CEP128: variants seen among roughly 807,000 people sequenced by gnomAD.
CEP128 encodes the protein centrosomal protein 128.
In CEP128, 132 loss-of-function variants were observed where a neutral mutation model predicts 156.7. That is an observed-to-expected ratio of 0.84 (90% CI 0.73 to 0.97). CEP128 has a LOEUF of 0.97. Among genes scored for constraint, CEP128 ranks in the 50% least tolerant of loss-of-function variants. The probability of loss-of-function intolerance (pLI) is 0.00; values close to 1 mark genes in which losing one functional copy is unlikely to be tolerated. For synonymous variants in CEP128, 469 were observed against 448.9 expected (o/e 1.04, Z -0.57); for missense variants, 1,252 against 1,281.9 (o/e 0.98, Z 0.36).
chr14:80,509,953 G>A (rs1209239204), intron 23 of CEP128, among the ~76,000 whole-genome samples: 1 of 151,864 alleles, frequency 6.6e-6, no homozygotes, highest in Non-Finnish European at 1.5e-5. Flanking sequence ...ATTTTTTTCT[G>A]GGCTCTCTAT....
At chr14:80,746,236 A>G (rs1314956071) in intron 18 of CEP128, among the ~76,000 whole-genome samples, 1 of 152,200 alleles carries the variant, frequency 6.6e-6, no homozygotes, top group Non-Finnish European at 1.5e-5. Context: ...AGTTGATCCT[A>G]TGTTTCATAT....
downstream of CEP128, among the ~76,000 whole-genome samples, chr14:80,489,003 A>G (rs1594902265): frequency 3.1e-5 from 4 of 127,232 alleles, no homozygotes; most frequent in Non-Finnish European, 5.0e-5. Flanking sequence ...GGGAGGGGGG[A>G]GGGAAAGCAT....
At chr14:80,631,481 A>T (rs1249662266) in intron 19 of CEP128, among the ~76,000 whole-genome samples, 1 of 152,050 alleles carries the variant, frequency 6.6e-6, no homozygotes, top group Non-Finnish European at 1.5e-5. Context: ...GGCTATGAAG[A>T]GTCTTACATA....
chr14:80,595,322 G>T (rs1438410086), intron 19 of CEP128, among the ~76,000 whole-genome samples: 1 of 152,144 alleles, frequency 6.6e-6, no homozygotes, highest in Non-Finnish European at 1.5e-5. Context: ...GGCCTGTCAG[G>T]GGGTGGGAGG....
chr14:80,597,344 T>C (rs1566802040), intron 19 of CEP128, among the ~76,000 whole-genome samples: 1 of 152,116 alleles, frequency 6.6e-6, no homozygotes, highest in South Asian at 2.1e-4. Flanking sequence ...TTAGAAGATA[T>C]GGAACACAAA....
At position 80,743,089 on chromosome 14, in the gene CEP128, T is replaced by C. The variant is rs989221089; in HGVS notation, c.2792A>G (p.His931Arg). Residue 931 changes from histidine to arginine, a missense_variant, in exon 19 of 25, where the codon CAT (histidine) becomes CGT (arginine). Coordinates refer to ENST00000555265, the MANE Select transcript of CEP128 (RefSeq NM_152446.5). ...ERQEQLLDEI[H>R]REKRDLLEET... The stretch of plus-strand genomic sequence containing the variant: ...CTAACACACACCTCTCTTCTCACGA[T>C]GTATTTCATCCAGAAGCTGCTCCTG... 6.2e-7 allele frequency: 1 copy of C among 1,613,356 alleles called. No individual in the cohort carries two copies.
At chr14:80,828,967 A>G (rs143586220) in intron 13 of CEP128, among the ~76,000 whole-genome samples, 1 of 152,198 alleles carries the variant, frequency 6.6e-6, no homozygotes, top group Non-Finnish European at 1.5e-5. Flanking sequence ...TAAAGCAGAG[A>G]CTAAATTTCA....
chr14:80,562,655 C>CTTTTTTTTTTT (rs1170778718), intron 20 of CEP128, among the ~76,000 whole-genome samples: 59 of 114,334 alleles, frequency 5.2e-4, no homozygotes, highest in Non-Finnish European at 7.8e-4. Flanking sequence ...CTTTTCTTTT[C>CTTTTTTTTTTT]TTTTTTTTTT....
Position 80,705,362 on chromosome 14 carries a change from T to C in CEP128, c.2806+37713A>G, listed in dbSNP as rs551613836. Among the ~76,000 whole-genome samples the C allele has an allele frequency of 5.9e-5, 9 of 152,196 alleles. No individual in the cohort carries two copies. In the East Asian group the frequency reaches 1.5e-3, roughly 26 times the overall value. Reference sequence around the variant, plus strand: ...GTCATGCAAACTTTTCCAGTCTAAATAGTGACTAAAATGATTCCTATGTAT... The same window carrying C: ...GTCATGCAAACTTTTCCAGTCTAAACAGTGACTAAAATGATTCCTATGTAT... On this transcript the variant is annotated intron_variant, in intron 19 of 24. Transcript: ENST00000555265.
At chr14:80,610,162 C>CT (rs1315226884) in intron 19 of CEP128, among the ~76,000 whole-genome samples, 3 of 152,074 alleles carry the variant, frequency 2.0e-5, no homozygotes, top group Non-Finnish European at 4.4e-5. Flanking sequence ...TACTTTATCT[C>CT]TTTTTTTCCA....
intron 21 of CEP128, among the ~76,000 whole-genome samples, chr14:80,549,038 AAGCTTAACCCT>A (rs1890103143): frequency 6.6e-6 from 1 of 152,206 alleles, no homozygotes; most frequent in African/African-American, 2.4e-5. Context: ...CATGTTTCAG[AAGCTTAACCCT>A]TTGAAGATAT....
rs890380683 is a variant in CEP128, at chr14:80,838,353, A to G, written c.850-75T>C. The stretch of plus-strand genomic sequence containing the variant: ...AACTAAATTATTATGGGCACAGTTT[A>G]AAAGGAGAAAAGTGGAAAAGTTTTC... On this transcript the variant is annotated intron_variant, in intron 10 of 24. Transcript: ENST00000555265. 8.3e-5 allele frequency: 87 copies of G among 1,049,132 alleles called. No homozygotes were observed. In the East Asian group the frequency reaches 2.0e-3, roughly 24 times the overall value. The allele number at this position is 1,049,132 out of a possible 1,614,324, so 65.0% of individuals were successfully genotyped here. A position where few individuals can be genotyped will look rare whatever the true frequency, so the allele number is the denominator to read the frequency against.
chr14:80,629,897 T>C (rs1301307960), intron 19 of CEP128, among the ~76,000 whole-genome samples: 1 of 152,126 alleles, frequency 6.6e-6, no homozygotes, highest in East Asian at 1.9e-4. Flanking sequence ...TAGAAAAATC[T>C]ATTTAAGAGA....
At chr14:80,796,473 T>A (rs162104) in intron 13 of CEP128, among the ~76,000 whole-genome samples, 86,194 of 150,788 alleles carry the variant, frequency 0.57, 24,793 homozygotes, top group East Asian at 0.78. Context: ...AAAAAAAAAA[T>A]TTCCTTCACC....
At chr14:80,715,970 A>T (rs976799451) in intron 19 of CEP128, among the ~76,000 whole-genome samples, 1 of 152,212 alleles carries the variant, frequency 6.6e-6, no homozygotes, top group African/African-American at 2.4e-5. Flanking sequence ...CATCATCAGT[A>T]AAAAATAATC....
intron 13 of CEP128, among the ~76,000 whole-genome samples, chr14:80,812,903 T>C (rs1306095394): frequency 6.6e-6 from 1 of 152,168 alleles, no homozygotes; most frequent in Non-Finnish European, 1.5e-5. Context: ...TTTTCATTAA[T>C]GGCCATTCTG....
At chr14:80,576,422 A>C (rs980050478) in intron 20 of CEP128, among the ~76,000 whole-genome samples, 10 of 152,192 alleles carry the variant, frequency 6.6e-5, no homozygotes, top group Admixed American at 6.5e-5. Flanking sequence ...CACACACACA[A>C]AAATAAGGCA....
intron 19 of CEP128, among the ~76,000 whole-genome samples, chr14:80,741,352 G>A (rs1211651256): frequency 5.9e-5 from 9 of 152,108 alleles, no homozygotes; most frequent in Admixed American, 5.9e-4. Flanking sequence ...GCTGAAGTTT[G>A]CAGCTCTTTA....
intron 19 of CEP128, among the ~76,000 whole-genome samples, chr14:80,730,115 G>A (rs1411824346): frequency 6.6e-6 from 1 of 152,108 alleles, no homozygotes; most frequent in Non-Finnish European, 1.5e-5. Flanking sequence ...TTCAATATGA[G>A]CTTACAATTG....
Sources: gnomAD v4.1 joint callset for allele counts (sites outside exome capture counted in the v4.1 genomes callset) on GRCh38, gnomAD v4.1.1 for gene constraint, MANE v1.5 for transcripts, NCBI Gene and HGNC (gene_info 2026-07-23, HGNC 2026-07-21) for gene names.